The following UBASH3B variants were observed in gnomAD, a reference collection of about 807,000 sequenced individuals.
UBASH3B encodes the protein ubiquitin-associated and SH3 domain-containing protein B.
A neutral mutation model predicts 83.4 loss-of-function variants in UBASH3B; 37 were observed. The observed-to-expected ratio is 0.44, with a 90% CI of 0.34 to 0.58. UBASH3B has a LOEUF of 0.58. Ranked by LOEUF, UBASH3B falls within the 20% of genes least tolerant of loss-of-function variation. The probability of loss-of-function intolerance (pLI) is 0.01; values close to 1 mark genes in which losing one functional copy is unlikely to be tolerated. For synonymous variants in UBASH3B, 304 were observed against 318.3 expected (o/e 0.96, Z 0.48); for missense variants, 657 against 827.2 (o/e 0.79, Z 2.52).
intron 1 of UBASH3B, among the ~76,000 whole-genome samples, chr11:122,713,642 G>T (rs1864229124): frequency 6.6e-6 from 1 of 150,904 alleles, no homozygotes; most frequent in Non-Finnish European, 1.5e-5. Flanking sequence ...GAAAATCATA[G>T]TATTTTATTT....
chr11:122,767,794 C>G (rs1266425908), intron 1 of UBASH3B, among the ~76,000 whole-genome samples: 1 of 152,140 alleles, frequency 6.6e-6, no homozygotes. Flanking sequence ...AGAGAAGCAG[C>G]CAGATGGGAC....
Position 122,801,582 on chromosome 11 carries a change from C to T in UBASH3B, c.1595+250C>T, listed in dbSNP as rs371589042. 2.7e-3 allele frequency among the ~76,000 whole-genome samples: 415 copies of T among 152,308 alleles called. 3 individuals carry two copies. The highest frequency in any genetic ancestry group is 4.1e-3 in the Non-Finnish European group (282 of 68,028). On this transcript the variant is annotated intron_variant, in intron 11 of 13. Coordinates refer to ENST00000284273, the MANE Select transcript of UBASH3B (RefSeq NM_032873.5). ...TTGGATTTTTCTGACTTTATTATAC[C>T]TGTTTCAGTGTAATAAAACCATTTT...
intron 1 of UBASH3B, among the ~76,000 whole-genome samples, chr11:122,738,944 G>A (rs1212494318): frequency 2.0e-5 from 3 of 151,842 alleles, no homozygotes; most frequent in African/African-American, 7.3e-5. Flanking sequence ...TTTGCTTTGT[G>A]TGGATATAAG....
chr11:122,744,403 G>T (rs542387393), intron 1 of UBASH3B, among the ~76,000 whole-genome samples: 1 of 152,118 alleles, frequency 6.6e-6, no homozygotes, highest in Admixed American at 6.5e-5. Context: ...ACATGGACAC[G>T]TGTTGTGTGC....
intron 11 of UBASH3B, among the ~76,000 whole-genome samples, chr11:122,801,769 T>C (rs1001219637): frequency 2.0e-5 from 3 of 152,238 alleles, no homozygotes; most frequent in Non-Finnish European, 4.4e-5. Flanking sequence ...CCCCAGAATG[T>C]AGGTAAACCA....
At position 122,809,868 on chromosome 11, in the gene UBASH3B, G is replaced by T; in HGVS notation, c.1932G>T (p.Glu644Asp). The T allele has an allele frequency of 6.2e-7, 1 of 1,614,130 alleles. No individual in the cohort carries two copies. Among genetic ancestry groups the T allele is most frequent in the Non-Finnish European group, 8.5e-7 (1 of 1,180,010 alleles). ...CAACTGGGGGCTTCAACTGGAGAGAGACCTTGCTTCAAGAATAAACCACAC... is the reference window on the plus strand; with the variant it reads ...CAACTGGGGGCTTCAACTGGAGAGATACCTTGCTTCAAGAATAAACCACAC... ...HGPTGGFNWRETLLQE is the reference protein window; with the variant it reads ...HGPTGGFNWRDTLLQE The change falls in exon 14 of 14, where the codon GAG becomes GAT. Residue 644 changes from glutamate to aspartate, a missense_variant. This residue lies in a region of UBASH3B where 573 missense variants were observed against 739.0 expected (regional missense o/e 0.78). Coordinates refer to ENST00000284273, the MANE Select transcript of UBASH3B (RefSeq NM_032873.5).
At chr11:122,739,142 A>G (rs762403455) in intron 1 of UBASH3B, among the ~76,000 whole-genome samples, 12 of 152,232 alleles carry the variant, frequency 7.9e-5, no homozygotes, top group Middle Eastern at 3.4e-3. Flanking sequence ...AGACTACAGC[A>G]TGTGCCACCA....
At chr11:122,673,831 A>T (rs1340304029) in intron 1 of UBASH3B, among the ~76,000 whole-genome samples, 1 of 152,248 alleles carries the variant, frequency 6.6e-6, no homozygotes, top group Non-Finnish European at 1.5e-5. Flanking sequence ...AAGAAAAAGA[A>T]GATCATGATG....
At position 122,700,495 on chromosome 11, in the gene UBASH3B, A is replaced by ATG. The variant is rs1282455337; in HGVS notation, c.161+44286_161+44287insGT. Among the ~76,000 whole-genome samples, 9 of 60,424 alleles carry ATG rather than the reference A, an allele frequency of 1.5e-4. No homozygotes were observed. The Admixed American group carries it at 2.2e-3, about 15-fold the overall frequency. 39.6% of individuals were successfully genotyped at this position (60,424 alleles called of 152,430 possible). On this transcript the variant is annotated intron_variant, in intron 1 of 13. Coordinates refer to ENST00000284273, the MANE Select transcript of UBASH3B (RefSeq NM_032873.5). ...TACTCACTCTCATAGTTTACTTCTG[A>ATG]TCTTTTTTTTTTTTTTTTTGAGATG... is the stretch of plus-strand genomic sequence containing the variant.
At chr11:122,786,216 A>AT (rs1251320024) in intron 5 of UBASH3B, among the ~76,000 whole-genome samples, 2 of 151,778 alleles carry the variant, frequency 1.3e-5, no homozygotes, top group Non-Finnish European at 1.5e-5. Context: ...CGCCTGGCTA[A>AT]TTTTTTGTAT....
At chr11:122,658,196 G>T (rs1306399795) in intron 1 of UBASH3B, among the ~76,000 whole-genome samples, 1 of 127,474 alleles carries the variant, frequency 7.8e-6, no homozygotes, top group African/African-American at 2.8e-5. Flanking sequence ...AAAAAAAAAA[G>T]CTGGAGGTGG....
rs559335955 is a variant in UBASH3B, at chr11:122,745,160, T to A, written c.162-31059T>A. Among the ~76,000 whole-genome samples, 110 of 152,192 alleles carry A rather than the reference T, an allele frequency of 7.2e-4. 1 individual carries two copies. The South Asian group carries it at 0.022, about 31-fold the overall frequency. On this transcript the variant is annotated intron_variant, in intron 1 of 13. Coordinates refer to ENST00000284273, the MANE Select transcript of UBASH3B (RefSeq NM_032873.5). Reference sequence around the variant, plus strand: ...AAAGACTCACCTCTCAGCTTGTATCTTTTTTTTCTCTCAAACTTTAAAACA... The same window carrying A: ...AAAGACTCACCTCTCAGCTTGTATCATTTTTTTCTCTCAAACTTTAAAACA...
chr11:122,720,238 CAGG>C (rs1860600112), intron 1 of UBASH3B, among the ~76,000 whole-genome samples: 1 of 152,204 alleles, frequency 6.6e-6, no homozygotes, highest in Non-Finnish European at 1.5e-5. Flanking sequence ...CATCTCCAAG[CAGG>C]ATAACTCTTT....
At chr11:122,753,705 G>A (rs1226649647) in intron 1 of UBASH3B, among the ~76,000 whole-genome samples, 1 of 151,824 alleles carries the variant, frequency 6.6e-6, no homozygotes, top group African/African-American at 2.4e-5. Flanking sequence ...ATGTTGGTCA[G>A]GCTGGTCTCG....
intron 1 of UBASH3B, among the ~76,000 whole-genome samples, chr11:122,711,229 C>G (rs1369603297): frequency 6.6e-6 from 1 of 152,236 alleles, no homozygotes; most frequent in Non-Finnish European, 1.5e-5. Context: ...CTCCCAAAAT[C>G]TCTGTAGCAG....
At position 122,806,523 on chromosome 11, in the gene UBASH3B, G is replaced by A; in HGVS notation, c.1702+7G>A. ...AGTGAATGTAAAAGTAAAGGTAAGT[G>A]GTATTATTCTGAACTCCATCTGTAC... On this transcript the variant is annotated splice_region_variant and intron_variant, in intron 12 of 13. Transcript: ENST00000284273. This position sits in a 1 kb window ranked among gnomAD's most constrained non-coding sequence, Gnocchi z 4.0. The A allele has an allele frequency of 6.3e-7, 1 of 1,595,748 alleles. No homozygotes were observed. The highest frequency in any genetic ancestry group is 8.5e-7 in the Non-Finnish European group (1 of 1,173,672).
intron 1 of UBASH3B, among the ~76,000 whole-genome samples, chr11:122,749,881 C>T (rs774586831): frequency 1.2e-4 from 18 of 152,132 alleles, no homozygotes; most frequent in Non-Finnish European, 1.9e-4. Context: ...TACAGGCATG[C>T]GTCACCACAC....
At chr11:122,680,418 G>T (rs1433592375) in intron 1 of UBASH3B, among the ~76,000 whole-genome samples, 1 of 152,234 alleles carries the variant, frequency 6.6e-6, no homozygotes, top group East Asian at 1.9e-4. Flanking sequence ...CTTGTTACTG[G>T]TTAGGACTTC....
In UBASH3B at chr11:122,675,660, T is replaced by G. The variant is rs960612989; in HGVS notation, c.161+19450T>G. 5.3e-5 allele frequency among the ~76,000 whole-genome samples: 8 copies of G among 152,332 alleles called. 1 individual carries two copies. Among genetic ancestry groups the G allele is most frequent in the Admixed American group, 4.6e-4 (7 of 15,298 alleles). On this transcript the variant is annotated intron_variant, in intron 1 of 13. Coordinates refer to ENST00000284273, the MANE Select transcript of UBASH3B (RefSeq NM_032873.5). ...TCAAAGCTGCAAGGAGCACCTCTGA[T>G]GAGCCAAGCACTGGGGTCCATGGCC...
Sources: allele counts gnomAD v4.1 joint callset (sites outside exome capture counted in the v4.1 genomes callset), GRCh38; gene constraint gnomAD v4.1.1; regional missense constraint gnomAD v4.1.1; non-coding constraint Gnocchi (gnomAD v3.1); transcripts MANE v1.5; gene names NCBI Gene and HGNC (gene_info 2026-07-23, HGNC 2026-07-21).